PCDHA6: variants seen among roughly 807,000 people sequenced by gnomAD.
The protein encoded by PCDHA6 is protocadherin alpha 6.
In PCDHA6, 55 loss-of-function variants were observed where a neutral mutation model predicts 60.3. That is an observed-to-expected ratio of 0.91 (90% CI 0.73 to 1.14). The LOEUF is 1.14. PCDHA6 is among the 50% of genes most tolerant of loss of function. PCDHA6 has a pLI of 0.00. For synonymous variants in PCDHA6, 652 were observed against 557.9 expected, an observed-to-expected ratio of 1.17 and a Z score of -2.38; for missense variants, 1,327 against 1,256.5, an observed-to-expected ratio of 1.06 and a Z score of -0.85.
At chr5:140,943,278 G>A (rs246067) in intron 1 of PCDHA6, among the ~76,000 whole-genome samples, 37,737 of 121,894 alleles carry the variant, frequency 0.31, 6,744 homozygotes, top group East Asian at 0.43. Flanking sequence ...AAAAAAAAAA[G>A]AAAGAAAGAA....
At chr5:140,954,015 C>T (rs1322183660) in intron 1 of PCDHA6, among the ~76,000 whole-genome samples, 4 of 152,136 alleles carry the variant, frequency 2.6e-5, no homozygotes, top group African/African-American at 7.2e-5. Context: ...AGCTCCCACA[C>T]ATAGTGGGAC....
At chr5:140,884,206 C>T (rs1554181328) in intron 1 of PCDHA6, 1 of 1,613,542 alleles carries the variant, frequency 6.2e-7, no homozygotes, top group Admixed American at 1.7e-5. Context: ...CGCACCACCG[C>T]CTTCTGGTGC....
chr5:140,949,591 T>A (rs1279124605), intron 1 of PCDHA6, among the ~76,000 whole-genome samples: 2 of 151,928 alleles, frequency 1.3e-5, no homozygotes, highest in Non-Finnish European at 2.9e-5. Flanking sequence ...GTGATATTAA[T>A]GTGGCCATTC....
rs1214081504 is a variant in PCDHA6, at chr5:140,848,716, T to C, written c.2394+18231T>C. On this transcript the variant is annotated intron_variant, in intron 1 of 3. Coordinates refer to ENST00000529310, the MANE Select transcript of PCDHA6 (RefSeq NM_018909.4). Reference sequence around the variant, plus strand: ...TTGGATTCCAAAGGCCGCGGGGACCTTCTGGAGGTAAATCTGCAGAATGGC... The same window carrying C: ...TTGGATTCCAAAGGCCGCGGGGACCCTCTGGAGGTAAATCTGCAGAATGGC... 1 of 1,592,460 alleles carries C rather than the reference T, an allele frequency of 6.3e-7. No homozygotes were observed.
At position 140,869,428 on chromosome 5, in the gene PCDHA6, A is replaced by G. The variant is rs781860422; in HGVS notation, c.2394+38943A>G. The G allele has an allele frequency of 9.3e-6, 15 of 1,614,214 alleles. No individual in the cohort carries two copies. In the South Asian group the frequency reaches 1.6e-4, roughly 18 times the overall value. On this transcript the variant is annotated intron_variant, in intron 1 of 3. Transcript: ENST00000529310. The stretch of plus-strand genomic sequence containing the variant: ...GGAGTGCAGCATCCACCTGGAGGTG[A>G]TCGTGGACAGGCCGCTGCAGGTTTT...
chr5:140,858,149 G>C, intron 1 of PCDHA6: 1 of 1,597,572 alleles, frequency 6.3e-7, no homozygotes, highest in Non-Finnish European at 8.6e-7. Context: ...CCTGATCATC[G>C]CCATCTGCGC....
intron 3 of PCDHA6, among the ~76,000 whole-genome samples, chr5:140,999,659 G>A (rs1208907437): frequency 6.6e-6 from 1 of 152,162 alleles, no homozygotes; most frequent in African/African-American, 2.4e-5. Context: ...GAGCCCTGCT[G>A]GGTTGCGGGG....
At chr5:140,944,746 A>G (rs1009788923) in intron 1 of PCDHA6, among the ~76,000 whole-genome samples, 6 of 152,214 alleles carry the variant, frequency 3.9e-5, no homozygotes, top group African/African-American at 1.4e-4. Context: ...GAGCATTTAC[A>G]TGGAAAAAAT....
intron 1 of PCDHA6, among the ~76,000 whole-genome samples, chr5:140,932,192 TTC>T (rs2088100364): frequency 6.6e-6 from 1 of 151,968 alleles, no homozygotes. Context: ...GTCCATTTTT[TTC>T]TGTTAATATT....
chr5:140,963,850 A>T (rs2095793640), intron 1 of PCDHA6, among the ~76,000 whole-genome samples: 1 of 152,244 alleles, frequency 6.6e-6, no homozygotes. Flanking sequence ...TAATCATAAT[A>T]ATAACCGTAT....
rs782058857 is a variant in PCDHA6 at position 140,870,963 on chromosome 5, G to A, written c.2394+40478G>A. Reference sequence around the variant, plus strand: ...CGGCGGCGGGCGGCTCGCGCATCCCGTTCCGCGTGGGGCTGTACACGGGCG... The same window carrying A: ...CGGCGGCGGGCGGCTCGCGCATCCCATTCCGCGTGGGGCTGTACACGGGCG... On this transcript the variant is annotated intron_variant, in intron 1 of 3. Coordinates refer to ENST00000529310, the MANE Select transcript of PCDHA6 (RefSeq NM_018909.4). 1.4e-5 allele frequency: 22 copies of A among 1,613,504 alleles called. 1 individual carries two copies. The highest frequency in any genetic ancestry group is 1.9e-5 in the Non-Finnish European group (22 of 1,179,890).
rs147252917 is a variant in PCDHA6 at position 140,835,512 on chromosome 5, C to T, written c.2394+5027C>T. On this transcript the variant is annotated intron_variant, in intron 1 of 3. Coordinates refer to ENST00000529310, the MANE Select transcript of PCDHA6 (RefSeq NM_018909.4). ...CATCACATTGATTAGCGTGTTTGAC[C>T]GAGATTTTGGAGTCAACGGACAGGT... 259 of 1,613,798 alleles carry T rather than the reference C, an allele frequency of 1.6e-4. 5 individuals carry two copies. Among genetic ancestry groups the T allele is most frequent in the Non-Finnish European group, 2.1e-4 (250 of 1,179,884 alleles).
At chr5:140,947,436 G>C (rs269551) in intron 1 of PCDHA6, among the ~76,000 whole-genome samples, 37,364 of 151,424 alleles carry the variant, frequency 0.25, 5,790 homozygotes, top group African/African-American at 0.44. Flanking sequence ...TTGAAAATCA[G>C]CTGTGAAATC....
Position 140,829,578 on chromosome 5 carries a change from A to G in PCDHA6, c.1487A>G (p.Glu496Gly). ...ENALVSYSLV[E>G]RRVGERALSS... ...GCGCTGGTGTCCTACTCGCTGGTGGAGCGGCGGGTGGGCGAGCGCGCGTTG... is the reference window on the plus strand; with the variant it reads ...GCGCTGGTGTCCTACTCGCTGGTGGGGCGGCGGGTGGGCGAGCGCGCGTTG... The change falls in exon 1 of 4, where the codon GAG (glutamate) becomes GGG (glycine). Residue 496 changes from glutamate to glycine, a missense_variant. By Grantham distance (98) the Glu-to-Gly change is moderately conservative. Coordinates refer to ENST00000529310, the MANE Select transcript of PCDHA6 (RefSeq NM_018909.4). The G allele has an allele frequency of 6.2e-7, 1 of 1,612,330 alleles. No individual in the cohort carries two copies. Among genetic ancestry groups the G allele is most frequent in the East Asian group, 2.2e-5 (1 of 44,876 alleles).
At chr5:140,875,268 A>G (rs1484025646) in intron 1 of PCDHA6, 4 of 1,218,994 alleles carry the variant, frequency 3.3e-6, no homozygotes, top group Non-Finnish European at 4.4e-6. Context: ...GTCGCTCTAC[A>G]CTCAGAAGGT....
intron 1 of PCDHA6, among the ~76,000 whole-genome samples, chr5:140,913,040 G>T (rs1554195697): frequency 1.3e-5 from 2 of 152,022 alleles, no homozygotes; most frequent in African/African-American, 4.8e-5. Flanking sequence ...AGATATATTG[G>T]CCTGGAGTTT....
intron 1 of PCDHA6, among the ~76,000 whole-genome samples, chr5:140,941,241 T>TTCTTTCTTTCTTTCTTTCTC (rs1585048929): frequency 7.1e-6 from 1 of 140,568 alleles, no homozygotes; most frequent in East Asian, 2.0e-4. Context: ...CTTTCTTTCT[T>TTCTTTCTTTCTTTCTTTCTC]TCTTTCTTTC....
chr5:140,980,363 G>A (rs1477868054), intron 2 of PCDHA6, among the ~76,000 whole-genome samples: 1 of 152,204 alleles, frequency 6.6e-6, no homozygotes, highest in Non-Finnish European at 1.5e-5. Context: ...TGGGCGCGGT[G>A]GCTCACACCT....
At chr5:140,849,264 A>T (rs2150433927) in intron 1 of PCDHA6, 1 of 1,131,868 alleles carries the variant, frequency 8.8e-7, no homozygotes, top group East Asian at 2.6e-5. Context: ...AAACGTTTCT[A>T]TCGGAACGCT....
Sources: allele counts gnomAD v4.1 joint callset (sites outside exome capture counted in the v4.1 genomes callset), GRCh38; gene constraint gnomAD v4.1.1; transcripts MANE v1.5; gene names NCBI Gene and HGNC (gene_info 2026-07-23, HGNC 2026-07-21).